The following RIMKLB variants were observed in gnomAD, a reference collection of about 807,000 sequenced individuals.
The protein encoded by RIMKLB is ribosomal modification protein rimK like family member B.
RIMKLB carries 7 observed loss-of-function variants against 32.0 expected under a neutral mutation model. The observed-to-expected ratio is 0.22, with a 90% CI of 0.12 to 0.41. RIMKLB has a LOEUF of 0.41. Among genes scored for constraint, RIMKLB ranks in the 10% least tolerant of loss-of-function variants. The pLI is 1.00. For missense variants in RIMKLB, 289 were observed against 498.7 expected (o/e 0.58, Z 4.00); for synonymous variants, 172 against 185.1 (o/e 0.93, Z 0.57).
chr12:8,776,537 T>C lies in RIMKLB; in HGVS notation c.*2753T>C, dbSNP rs1021968139. The C allele has an allele frequency of 5.2e-6, 4 of 772,910 alleles. No homozygotes were observed. Among genetic ancestry groups the C allele is most frequent in the Non-Finnish European group, 6.3e-6 (4 of 636,614 alleles). 47.9% of individuals were successfully genotyped at this position (772,910 alleles called of 1,614,324 possible). A position where few individuals can be genotyped will look rare whatever the true frequency, so the allele number is the denominator to read the frequency against. ...TCTGAATTGTAAAATTTTTGTATATTGTTAAAATTGTAATTCTAAATTGTA... is the reference window on the plus strand; with the variant it reads ...TCTGAATTGTAAAATTTTTGTATATCGTTAAAATTGTAATTCTAAATTGTA... On this transcript the variant is annotated 3_prime_UTR_variant, in exon 6 of 6. Coordinates refer to ENST00000535829, the MANE Select transcript of RIMKLB (RefSeq NM_001297776.2).
chr12:8,676,157 C>T, the RIMKLB span, among the ~76,000 whole-genome samples: 3 of 152,092 alleles, frequency 2.0e-5, no homozygotes, highest in East Asian at 3.9e-4. Context: ...ACTGCAGCCT[C>T]GACCTCCTGG....
chr12:8,692,435 G>A (rs1227169436), upstream of RIMKLB, among the ~76,000 whole-genome samples: 2 of 152,106 alleles, frequency 1.3e-5, no homozygotes, highest in Non-Finnish European at 2.9e-5. Context: ...AAGAAATGCA[G>A]GTACACAGGC....
chr12:8,743,091 G>T, intron 2 of RIMKLB: 1 of 152,492 alleles, frequency 6.6e-6, no homozygotes. Flanking sequence ...CGGTGGCTCA[G>T]GCCTGGAATC....
At chr12:8,688,128 G>A (rs1942632618) in intron 1 of RIMKLB, among the ~76,000 whole-genome samples, 1 of 152,246 alleles carries the variant, frequency 6.6e-6, no homozygotes. Context: ...GTATGAGAAT[G>A]TATGTGTTGC....
upstream of RIMKLB, among the ~76,000 whole-genome samples, chr12:8,694,551 G>A (rs763537966): frequency 3.3e-5 from 5 of 151,882 alleles, no homozygotes; most frequent in East Asian, 5.8e-4. Context: ...CTGCCACCAC[G>A]CCCGGCTAAT....
At position 8,774,172 on chromosome 12, in the gene RIMKLB, G is replaced by A. The variant is rs1460133841; in HGVS notation, c.*388G>A. 8 of 995,120 alleles carry A rather than the reference G, an allele frequency of 8.0e-6. No individual in the cohort carries two copies. The highest frequency in any genetic ancestry group is 9.6e-6 in the Non-Finnish European group (8 of 834,622). 61.6% of individuals were successfully genotyped at this position (995,120 alleles called of 1,614,324 possible). A position where few individuals can be genotyped will look rare whatever the true frequency, so the allele number is the denominator to read the frequency against. The stretch of plus-strand genomic sequence containing the variant: ...TATCCAAGTAGCATAACTTCACATT[G>A]TGTTGGAAGATTTGTCATCAGTGAG... On this transcript the variant is annotated 3_prime_UTR_variant, in exon 6 of 6. Coordinates refer to ENST00000535829, the MANE Select transcript of RIMKLB (RefSeq NM_001297776.2).
At chr12:8,713,785 T>A (rs746762006) in intron 1 of RIMKLB, 26 bp from the exon 2 acceptor site, 1 of 1,326,756 alleles carries the variant, frequency 7.5e-7, no homozygotes, top group African/African-American at 1.4e-5. Context: ...GATTTACCTT[T>A]TATGTATATT....
intron 5 of RIMKLB, among the ~76,000 whole-genome samples, chr12:8,756,684 C>CTTTTTTTTTTTTTTTTTTT (rs145312687): frequency 3.3e-5 from 3 of 90,982 alleles, no homozygotes; most frequent in African/African-American, 4.4e-5. Flanking sequence ...TTACTTTCTA[C>CTTTTTTTTTTTTTTTTTTT]TTTTTTTTTT....
chr12:8,739,623 A>G (rs968044874), intron 2 of RIMKLB, among the ~76,000 whole-genome samples: 1 of 152,188 alleles, frequency 6.6e-6, no homozygotes, highest in African/African-American at 2.4e-5. Flanking sequence ...GGCATATGCC[A>G]TCATGCTGGA....
At chr12:8,782,582 G>A (rs1279175229) in intron 7 of RIMKLB, among the ~76,000 whole-genome samples, 3 of 152,054 alleles carry the variant, frequency 2.0e-5, no homozygotes, top group Admixed American at 6.5e-5. Context: ...ACAATTTCCA[G>A]GGAGTTAGAA....
intron 1 of RIMKLB, among the ~76,000 whole-genome samples, chr12:8,703,837 T>C (rs1217024058): frequency 6.6e-6 from 1 of 152,246 alleles, no homozygotes; most frequent in Non-Finnish European, 1.5e-5. Context: ...GATTAAATGA[T>C]AAAAATAAAC....
At chr12:8,765,120 GC>G (rs1357394335) in intron 5 of RIMKLB, among the ~76,000 whole-genome samples, 2 of 151,896 alleles carry the variant, frequency 1.3e-5, no homozygotes, top group Non-Finnish European at 2.9e-5. Flanking sequence ...AGATTAGTTG[GC>G]CTTTAATAGC....
intron 4 of RIMKLB, 75 bp downstream of exon 4, chr12:8,752,118 ATAGT>A (rs1948665668): frequency 1.1e-6 from 1 of 951,044 alleles, no homozygotes; most frequent in South Asian, 1.5e-5. Context: ...ACTTTGAAGA[ATAGT>A]TAGAGGGAAA....
At chr12:8,674,863 CTT>C in the RIMKLB span, among the ~76,000 whole-genome samples, 439 of 128,182 alleles carry the variant, frequency 3.4e-3, 3 homozygotes, top group African/African-American at 0.012. Flanking sequence ...TGTCACAATT[CTT>C]TTTTTTTTTT....
At chr12:8,771,421 A>G (rs1354621087) in intron 5 of RIMKLB, among the ~76,000 whole-genome samples, 1 of 152,192 alleles carries the variant, frequency 6.6e-6, no homozygotes, top group Non-Finnish European at 1.5e-5. Flanking sequence ...CCAACATTAT[A>G]ACAAAAGACT....
intron 2 of RIMKLB, among the ~76,000 whole-genome samples, chr12:8,715,228 CTTTT>C (rs61677474): frequency 1.6e-5 from 2 of 123,742 alleles, no homozygotes; most frequent in Admixed American, 8.0e-5. Flanking sequence ...TGCTCTTGTT[CTTTT>C]TTTTTTTTTT....
chr12:8,764,759 AT>A (rs1384435498), intron 5 of RIMKLB, among the ~76,000 whole-genome samples: 1 of 151,998 alleles, frequency 6.6e-6, no homozygotes, highest in Non-Finnish European at 1.5e-5. Context: ...CCTTCCAGTG[AT>A]TCCCTTTACA....
intron 5 of RIMKLB, among the ~76,000 whole-genome samples, chr12:8,771,134 A>G (rs892587786): frequency 3.3e-5 from 5 of 152,308 alleles, no homozygotes; most frequent in African/African-American, 1.2e-4. Flanking sequence ...CCAATTGGAT[A>G]GACATAATTG....
intron 2 of RIMKLB, among the ~76,000 whole-genome samples, chr12:8,741,377 T>TAA (rs1178894866): frequency 7.8e-6 from 1 of 129,008 alleles, no homozygotes; most frequent in African/African-American, 2.9e-5. Context: ...GACTCCACCT[T>TAA]AAAAAAAAAA....
Sources: allele counts gnomAD v4.1 joint callset (sites outside exome capture counted in the v4.1 genomes callset), GRCh38; gene constraint gnomAD v4.1.1; transcripts MANE v1.5; gene names NCBI Gene and HGNC (gene_info 2026-07-23, HGNC 2026-07-21).